The following CEMIP variants were observed in gnomAD, a reference collection of about 807,000 sequenced individuals.
The protein encoded by CEMIP is cell migration inducing hyaluronidase 1.
A neutral mutation model predicts 156.9 loss-of-function variants in CEMIP; 105 were observed. That is an observed-to-expected ratio of 0.67 (90% CI 0.57 to 0.79). The LOEUF is 0.79. Among genes scored for constraint, CEMIP ranks in the 30% least tolerant of loss-of-function variants. The probability of loss-of-function intolerance (pLI) is 0.00; values close to 1 mark genes in which losing one functional copy is unlikely to be tolerated. For missense variants in CEMIP, 1,457 were observed against 1,769.4 expected (o/e 0.82, Z 3.17); for synonymous variants, 676 against 668.4 (o/e 1.01, Z -0.17).
intron 1 of CEMIP, among the ~76,000 whole-genome samples, chr15:80,805,494 G>T (rs1444846880): frequency 6.6e-6 from 1 of 152,130 alleles, no homozygotes; most frequent in Non-Finnish European, 1.5e-5. Flanking sequence ...CCTTCCCTTT[G>T]GTGGTTACCG....
intron 25 of CEMIP, among the ~76,000 whole-genome samples, chr15:80,938,849 C>T (rs577806123): frequency 1.3e-4 from 20 of 152,266 alleles, no homozygotes; most frequent in Middle Eastern, 6.8e-3. Flanking sequence ...TCCACAGCAA[C>T]GTCGATAGCA....
chr15:80,857,081 A>G (rs1264640917), intron 1 of CEMIP, among the ~76,000 whole-genome samples: 1 of 152,238 alleles, frequency 6.6e-6, no homozygotes, highest in African/African-American at 2.4e-5. Flanking sequence ...ACTCTGGCCC[A>G]AACTTGAACT....
At chr15:80,888,665 C>G in intron 8 of CEMIP, 36 bp from the exon 9 acceptor site, 1 of 1,589,266 alleles carries the variant, frequency 6.3e-7, no homozygotes, top group Non-Finnish European at 8.6e-7. Flanking sequence ...ATTTGGGGGT[C>G]TGTCCAGCTC....
Position 80,793,945 on chromosome 15 carries a change from A to C in CEMIP, c.-176+14331A>C, listed in dbSNP as rs965286868. On this transcript the variant is annotated intron_variant, in intron 1 of 29. Coordinates refer to ENST00000394685, the MANE Select transcript of CEMIP (RefSeq NM_001293298.2). ...TGCTCATTACAGTTTTATTAACACT[A>C]GGGTCATCTTTGAACTTAAGTAGAA... 4.6e-5 allele frequency among the ~76,000 whole-genome samples: 7 copies of C among 152,354 alleles called. 1 individual carries two copies. Among genetic ancestry groups the C allele is most frequent in the East Asian group, 1.9e-4 (1 of 5,190 alleles).
chr15:80,895,941 A>G lies in CEMIP; in HGVS notation c.1292A>G (p.Gln431Arg). The part of the protein sequence containing the change: ...STILNLEDNV[Q>R]SWKPGDTLVI... ...ATTCTGAACTTGGAGGATAATGTAC[A>G]GTCATGGAAACCTGGAGATACCCTG... The change falls in exon 12 of 30, where the codon CAG (glutamine) becomes CGG (arginine). Residue 431 changes from glutamine (Q) to arginine (R), a missense_variant. This residue lies in a region of CEMIP where 280 missense variants were observed against 300.3 expected (regional missense o/e 0.93). Coordinates refer to ENST00000394685, the MANE Select transcript of CEMIP (RefSeq NM_001293298.2). 1.2e-6 allele frequency: 2 copies of G among 1,614,218 alleles called. No individual in the cohort carries two copies. Among genetic ancestry groups the G allele is most frequent in the Non-Finnish European group, 8.5e-7 (1 of 1,180,038 alleles).
intron 14 of CEMIP, among the ~76,000 whole-genome samples, chr15:80,911,395 T>C (rs1900046555): frequency 1.3e-5 from 2 of 152,230 alleles, no homozygotes; most frequent in Admixed American, 1.3e-4. Context: ...TGAAGTTCTA[T>C]TCATAAATTT....
At chr15:80,833,683 T>C (rs543198922) in intron 1 of CEMIP, among the ~76,000 whole-genome samples, 30 of 150,656 alleles carry the variant, frequency 2.0e-4, no homozygotes, top group African/African-American at 7.3e-4. Flanking sequence ...CTTTTTTTTT[T>C]TTTTGGACAG....
chr15:80,898,612 A>G (rs948065760), intron 12 of CEMIP, among the ~76,000 whole-genome samples: 1 of 152,154 alleles, frequency 6.6e-6, no homozygotes, highest in Admixed American at 6.5e-5. Flanking sequence ...GAGCCTCACT[A>G]TGTTGCCCAG....
At chr15:80,915,804 T>C (rs1409792690) in intron 14 of CEMIP, among the ~76,000 whole-genome samples, 1 of 151,448 alleles carries the variant, frequency 6.6e-6, no homozygotes, top group African/African-American at 2.4e-5. Context: ...GGTTTTTTTC[T>C]TCCACCCAGT....
At chr15:80,926,385 G>A (rs1900669368) in intron 19 of CEMIP, among the ~76,000 whole-genome samples, 1 of 152,232 alleles carries the variant, frequency 6.6e-6, no homozygotes, top group African/African-American at 2.4e-5. Flanking sequence ...TTTTCAGGGA[G>A]TATTGTGAAA....
chr15:80,911,096 A>G (rs1436948096), intron 14 of CEMIP, among the ~76,000 whole-genome samples: 2 of 152,244 alleles, frequency 1.3e-5, no homozygotes, highest in East Asian at 3.9e-4. Context: ...AACGGAGAGG[A>G]TGGCACTGCT....
At chr15:80,785,964 C>T (rs1280583305) in intron 1 of CEMIP, among the ~76,000 whole-genome samples, 1 of 152,158 alleles carries the variant, frequency 6.6e-6, no homozygotes, top group Non-Finnish European at 1.5e-5. Flanking sequence ...GACCTTTAGT[C>T]TTCTAGACTA....
At chr15:80,943,216 C>CTGTGGAGACTGCCTG in intron 28 of CEMIP, 114 bp downstream of exon 28, 2 of 1,116,534 alleles carry the variant, frequency 1.8e-6, no homozygotes, top group Non-Finnish European at 2.7e-6. Flanking sequence ...AAAGCTCAGG[C>CTGTGGAGACTGCCTG]AGTCTCCACA....
At chr15:80,934,431 T>C (rs28711936) in intron 23 of CEMIP, among the ~76,000 whole-genome samples, 10,435 of 152,230 alleles carry the variant, frequency 0.069, 503 homozygotes, top group Middle Eastern at 0.18. Context: ...TAGTTAGCTA[T>C]TATTATATTA....
chr15:80,903,816 C>A (rs997234108), intron 12 of CEMIP, among the ~76,000 whole-genome samples: 17 of 152,210 alleles, frequency 1.1e-4, no homozygotes, highest in African/African-American at 4.1e-4. Flanking sequence ...TTCTGCCCCC[C>A]ACACCTGGGA....
Position 80,910,064 on chromosome 15 carries a change from G to A in CEMIP, c.1797+758G>A, listed in dbSNP as rs192667418. 9.9e-4 allele frequency among the ~76,000 whole-genome samples: 150 copies of A among 152,192 alleles called. 2 individuals carry two copies. Among genetic ancestry groups the A allele is most frequent in the South Asian group, 6.2e-4 (3 of 4,808 alleles). On this transcript the variant is annotated intron_variant, in intron 14 of 29. Coordinates refer to ENST00000394685, the MANE Select transcript of CEMIP (RefSeq NM_001293298.2). ...TATATCCTCTATAAACTTTAAAACC[G>A]GATGTCACAGAATGACACCCTTTAA...
At chr15:80,899,215 A>AG (rs1899360078) in intron 12 of CEMIP, among the ~76,000 whole-genome samples, 1 of 72,910 alleles carries the variant, frequency 1.4e-5, no homozygotes, top group Admixed American at 2.0e-4. Context: ...TCTGTCTCAA[A>AG]AAAAAAAAAA....
chr15:80,892,411 C>T (rs1899062274), intron 10 of CEMIP, among the ~76,000 whole-genome samples: 1 of 152,144 alleles, frequency 6.6e-6, no homozygotes, highest in Non-Finnish European at 1.5e-5. Flanking sequence ...TTCAGCTCTC[C>T]TTGGCTGAAA....
chr15:80,887,785 G>A, intron 8 of CEMIP, 21 bp downstream of exon 8: 1 of 1,586,040 alleles, frequency 6.3e-7, no homozygotes, highest in Non-Finnish European at 8.7e-7. Context: ...GCTGGCTGGA[G>A]GCCTGATTCC....
Sources: gnomAD v4.1 joint callset for allele counts (sites outside exome capture counted in the v4.1 genomes callset) on GRCh38, gnomAD v4.1.1 for gene constraint, gnomAD v4.1.1 regional missense constraint, MANE v1.5 for transcripts, NCBI Gene and HGNC (gene_info 2026-07-23, HGNC 2026-07-21) for gene names.